BRINP3: variants seen among roughly 807,000 people sequenced by gnomAD.
BRINP3 encodes the protein BMP/retinoic acid-inducible neural-specific protein 3.
BRINP3 carries 19 observed loss-of-function variants against 71.0 expected under a neutral mutation model. That is an observed-to-expected ratio of 0.27 (90% CI 0.19 to 0.39). BRINP3 has a LOEUF of 0.39. BRINP3 is among the 10% of genes least tolerant of loss of function. BRINP3 has a pLI of 1.00. For synonymous variants in BRINP3, 380 were observed against 337.7 expected (o/e 1.13, Z -1.37); for missense variants, 959 against 940.8 (o/e 1.02, Z -0.25).
At chr1:190,129,638 T>C (rs912421315) in intron 7 of BRINP3, among the ~76,000 whole-genome samples, 1 of 151,990 alleles carries the variant, frequency 6.6e-6, no homozygotes, top group Non-Finnish European at 1.5e-5. Context: ...AAACTGTAGA[T>C]GATGTTAGCA....
intron 2 of BRINP3, among the ~76,000 whole-genome samples, chr1:190,331,233 TA>T (rs780917171): frequency 6.6e-6 from 1 of 151,982 alleles, no homozygotes; most frequent in Non-Finnish European, 1.5e-5. Context: ...TAAAATAAAA[TA>T]TTTAAAAGAT....
intron 2 of BRINP3, among the ~76,000 whole-genome samples, chr1:190,308,480 T>C (rs1411655043): frequency 6.8e-6 from 1 of 147,340 alleles, no homozygotes; most frequent in Admixed American, 6.8e-5. Flanking sequence ...CATCACACAC[T>C]GGGGACTGTT....
chr1:190,453,203 AT>A (rs1190785225), intron 2 of BRINP3, among the ~76,000 whole-genome samples: 131 of 40,862 alleles, frequency 3.2e-3, no homozygotes, highest in South Asian at 3.1e-3. Flanking sequence ...AAACTTTAGT[AT>A]TTTTTTTTTT....
chr1:190,266,989 A>C (rs1661718140), intron 3 of BRINP3, among the ~76,000 whole-genome samples: 1 of 152,184 alleles, frequency 6.6e-6, no homozygotes, highest in Non-Finnish European at 1.5e-5. Flanking sequence ...TAGTAACAGA[A>C]ACTTGCAACG....
At chr1:190,187,508 T>C (rs573310839) in intron 6 of BRINP3, among the ~76,000 whole-genome samples, 60 of 152,198 alleles carry the variant, frequency 3.9e-4, no homozygotes, top group Non-Finnish European at 5.9e-4. Context: ...GTTTCATAAT[T>C]TGGGTCTTAT....
At chr1:190,267,890 T>C (rs1661791504) in intron 3 of BRINP3, among the ~76,000 whole-genome samples, 1 of 152,010 alleles carries the variant, frequency 6.6e-6, no homozygotes, top group Non-Finnish European at 1.5e-5. Flanking sequence ...AGTTTAAATA[T>C]AAAAAAATTG....
At chr1:190,291,582 T>A (rs558007118) in intron 2 of BRINP3, among the ~76,000 whole-genome samples, 2 of 152,212 alleles carry the variant, frequency 1.3e-5, no homozygotes, top group South Asian at 4.1e-4. Flanking sequence ...ATCAGGGAAA[T>A]GCAAATTGAA....
intron 6 of BRINP3, among the ~76,000 whole-genome samples, chr1:190,184,083 C>A (rs957760678): frequency 2.0e-5 from 3 of 152,104 alleles, no homozygotes; most frequent in African/African-American, 7.2e-5. Context: ...TTTAAAAAAG[C>A]AACAACAAAG....
intron 2 of BRINP3, among the ~76,000 whole-genome samples, chr1:190,443,404 CAA>C (rs560504461): frequency 1.2e-4 from 9 of 73,594 alleles, no homozygotes; most frequent in Admixed American, 1.5e-4. Flanking sequence ...GACTCCGTCT[CAA>C]AAAAAAAAAA....
At chr1:190,458,008 C>A (rs959901136) in intron 1 of BRINP3, among the ~76,000 whole-genome samples, 1 of 151,340 alleles carries the variant, frequency 6.6e-6, no homozygotes, top group African/African-American at 2.4e-5. Context: ...ACATATCCAT[C>A]ATTTCACATT....
chr1:190,122,948 G>T (rs537048157), intron 7 of BRINP3, among the ~76,000 whole-genome samples: 1 of 152,156 alleles, frequency 6.6e-6, no homozygotes, highest in East Asian at 1.9e-4. Flanking sequence ...AGACAGTCTA[G>T]GGAAACTGGG....
chr1:190,371,411 A>G (rs1376956437), intron 2 of BRINP3, among the ~76,000 whole-genome samples: 1 of 152,174 alleles, frequency 6.6e-6, no homozygotes, highest in Non-Finnish European at 1.5e-5. Context: ...AGTTTTACCA[A>G]TATCATTAGT....
chr1:190,104,864 A>G (rs1652011426), intron 7 of BRINP3, among the ~76,000 whole-genome samples: 2 of 152,096 alleles, frequency 1.3e-5, no homozygotes, highest in African/African-American at 2.4e-5. Flanking sequence ...CTAATCCTTT[A>G]TTGCTCTCCA....
intron 4 of BRINP3, among the ~76,000 whole-genome samples, chr1:190,248,003 C>G (rs1292730364): frequency 6.6e-6 from 1 of 151,826 alleles, no homozygotes; most frequent in Non-Finnish European, 1.5e-5. Flanking sequence ...AAAAGTAGCT[C>G]AATCCATCTG....
At chr1:190,414,452 A>T (rs1672886013) in intron 2 of BRINP3, among the ~76,000 whole-genome samples, 1 of 152,116 alleles carries the variant, frequency 6.6e-6, no homozygotes, top group Admixed American at 6.5e-5. Flanking sequence ...TAATTTGAAA[A>T]CAGGACATAA....
chr1:190,301,187 GTA>G (rs1268906421), intron 2 of BRINP3, among the ~76,000 whole-genome samples: 1 of 29,734 alleles, frequency 3.4e-5, no homozygotes, highest in Non-Finnish European at 8.2e-5. Context: ...ATATATATAT[GTA>G]TATATATACA....
intron 4 of BRINP3, among the ~76,000 whole-genome samples, chr1:190,263,520 A>G (rs1661373299): frequency 1.3e-5 from 2 of 151,830 alleles, no homozygotes; most frequent in Non-Finnish European, 2.9e-5. Context: ...ACAAAAAGAT[A>G]TACTTGGAGC....
intron 6 of BRINP3, among the ~76,000 whole-genome samples, chr1:190,171,192 CCT>C (rs1465975633): frequency 6.6e-6 from 1 of 152,070 alleles, no homozygotes; most frequent in Non-Finnish European, 1.5e-5. Context: ...CCCATAGTTC[CCT>C]GTTTCTTTAT....
intron 3 of BRINP3, among the ~76,000 whole-genome samples, chr1:190,277,154 C>G (rs1242814621): frequency 1.8e-5 from 2 of 111,184 alleles, no homozygotes; most frequent in Non-Finnish European, 3.7e-5. Context: ...CCCTGCATTC[C>G]TCTACATGAG....
Sources: gnomAD v4.1 joint callset for allele counts (sites outside exome capture counted in the v4.1 genomes callset) on GRCh38, gnomAD v4.1.1 for gene constraint, MANE v1.5 for transcripts, NCBI Gene and HGNC (gene_info 2026-07-23, HGNC 2026-07-21) for gene names.